Variants in SSUH2 observed in about 807,000 individuals in gnomAD.
The protein encoded by SSUH2 is protein SSUH2 homolog.
Under a neutral mutation model 55.3 loss-of-function variants are expected in SSUH2, and 47 were observed. The observed-to-expected ratio is 0.85, with a 90% CI of 0.67 to 1.08. The LOEUF (loss-of-function observed/expected upper bound fraction) is 1.08. SSUH2 is among the 50% of genes least tolerant of loss of function. The pLI is 0.00. For missense variants in SSUH2, 535 were observed against 490.7 expected, an observed-to-expected ratio of 1.09 and a Z score of -0.85; for synonymous variants, 212 against 191.5, an observed-to-expected ratio of 1.11 and a Z score of -0.89.
chr3:8,638,057 T>C (rs1014940861), intron 1 of SSUH2, among the ~76,000 whole-genome samples: 18 of 152,228 alleles, frequency 1.2e-4, no homozygotes, highest in African/African-American at 3.1e-4. Flanking sequence ...GGCCCATCCC[T>C]GACTTAGACA....
At chr3:8,670,924 A>C in intron 5 of SSUH2, 1 of 304,248 alleles carries the variant, frequency 3.3e-6, no homozygotes, top group Admixed American at 3.1e-5. Flanking sequence ...TCACTGTGTG[A>C]CTCTGTGTAC....
chr3:8,668,150 A>T (rs1704164618), intron 5 of SSUH2, among the ~76,000 whole-genome samples: 5 of 152,122 alleles, frequency 3.3e-5, no homozygotes, highest in African/African-American at 1.2e-4. Context: ...AAAAACTTGT[A>T]AAGCTCTTTC....
chr3:8,661,378 C>T (rs183100661), intron 6 of SSUH2, among the ~76,000 whole-genome samples: 1 of 152,212 alleles, frequency 6.6e-6, no homozygotes, highest in Non-Finnish European at 1.5e-5. Context: ...CTCACGTATC[C>T]TTTTCCCTCT....
chr3:8,660,493 A>G (rs1047257484), intron 6 of SSUH2, among the ~76,000 whole-genome samples: 3 of 152,240 alleles, frequency 2.0e-5, no homozygotes, highest in Non-Finnish European at 4.4e-5. Flanking sequence ...CAGTTATAAG[A>G]TAACACTGTT....
intron 3 of SSUH2, among the ~76,000 whole-genome samples, chr3:8,672,260 C>A (rs1175847549): frequency 6.6e-6 from 1 of 151,946 alleles, no homozygotes; most frequent in Non-Finnish European, 1.5e-5. Flanking sequence ...TCCTCTCCCC[C>A]TTGTAATATT....
chr3:8,649,615 C>T (rs1231718034), upstream of SSUH2, among the ~76,000 whole-genome samples: 1 of 152,130 alleles, frequency 6.6e-6, no homozygotes, highest in African/African-American at 2.4e-5. Flanking sequence ...CACCTGCTTT[C>T]ACTCCCCCTT....
chr3:8,622,405 C>A (rs1421629051), intron 11 of SSUH2, among the ~76,000 whole-genome samples: 9 of 152,142 alleles, frequency 5.9e-5, no homozygotes, highest in Admixed American at 5.2e-4. Context: ...AACTGTGTGA[C>A]TTAGGACAGG....
chr3:8,631,985 T>C (rs2125164143), intron 5 of SSUH2, 64 bp downstream of exon 5: 1 of 1,357,382 alleles, frequency 7.4e-7, no homozygotes, highest in Non-Finnish European at 1.1e-6. Flanking sequence ...CAAGTCCTGA[T>C]ATTTTCCACC....
chr3:8,626,487 C>A (rs1697557012), intron 8 of SSUH2, among the ~76,000 whole-genome samples, 166 bp from the exon 9 acceptor site: 1 of 151,998 alleles, frequency 6.6e-6, no homozygotes, highest in African/African-American at 2.4e-5. Context: ...GCCCCAATAT[C>A]TCTATGGGGA....
upstream of SSUH2, among the ~76,000 whole-genome samples, chr3:8,648,570 C>CA (rs986821079): frequency 4.6e-5 from 7 of 152,174 alleles, no homozygotes; most frequent in South Asian, 6.2e-4. Context: ...GGTGCCCCCC[C>CA]ATCCTGAAGT....
chr3:8,655,453 T>A (rs2662106), intron 7 of SSUH2, among the ~76,000 whole-genome samples: 64 of 125,394 alleles, frequency 5.1e-4, no homozygotes, highest in Admixed American at 1.5e-3. Flanking sequence ...GGGTGGCCTC[T>A]TCCCCCGGGT....
At chr3:8,664,983 T>TA (rs1443221487) in intron 5 of SSUH2, among the ~76,000 whole-genome samples, 3 of 152,170 alleles carry the variant, frequency 2.0e-5, no homozygotes, top group African/African-American at 7.2e-5. Context: ...ACCCCTCCCT[T>TA]AAAAATGCCT....
intron 2 of SSUH2, among the ~76,000 whole-genome samples, chr3:8,679,259 C>CT (rs1705761874): frequency 1.8e-5 from 2 of 113,030 alleles, no homozygotes; most frequent in Non-Finnish European, 4.0e-5. Flanking sequence ...CAATTTTCCC[C>CT]CTGGCTTTTA....
At position 8,619,569 on chromosome 3, in the gene SSUH2, C is replaced by T. The variant is rs913419388; in HGVS notation, c.*299G>A. On this transcript the variant is annotated 3_prime_UTR_variant, in exon 12 of 12. Transcript: ENST00000544814. ...AGCAAAATCAAATCACACGCATCAT[C>T]GGGGCATTAACTTGGAGACCAGAGG... The T allele has an allele frequency of 5.2e-5, 15 of 289,958 alleles. No individual in the cohort carries two copies. The highest frequency in any genetic ancestry group is 1.3e-4 in the East Asian group (2 of 14,978). 18.0% of individuals were successfully genotyped at this position (289,958 alleles called of 1,614,324 possible). A position where few individuals can be genotyped will look rare whatever the true frequency, so the allele number is the denominator to read the frequency against.
At chr3:8,628,481 C>A (rs929679327) in intron 7 of SSUH2, among the ~76,000 whole-genome samples, 1 of 152,208 alleles carries the variant, frequency 6.6e-6, no homozygotes, top group Admixed American at 6.5e-5. Flanking sequence ...AATAGCGGCC[C>A]TTCCAAGTTC....
intron 3 of SSUH2, among the ~76,000 whole-genome samples, chr3:8,673,359 C>T (rs1473064998): frequency 6.6e-6 from 1 of 151,978 alleles, no homozygotes; most frequent in African/African-American, 2.4e-5. Flanking sequence ...CCATTCCACC[C>T]CTCCCTCGGC....
At chr3:8,634,513 C>T (rs1486089334) in intron 3 of SSUH2, 22 of 1,289,664 alleles carry the variant, frequency 1.7e-5, no homozygotes, top group Admixed American at 2.3e-5. Flanking sequence ...ATTCTGCACA[C>T]TTGTATCTCC....
intron 11 of SSUH2, 123 bp from the exon 12 acceptor site, chr3:8,620,137 A>T: frequency 9.2e-7 from 1 of 1,088,404 alleles, no homozygotes; most frequent in South Asian, 1.6e-5. Context: ...GTTGGCATTC[A>T]ATATGGTTTG....
chr3:8,663,262 A>C lies in SSUH2; in HGVS notation c.-396+482T>G, dbSNP rs1335217723. Among the ~76,000 whole-genome samples, 3 of 152,226 alleles carry C rather than the reference A, an allele frequency of 2.0e-5. No individual in the cohort carries two copies. In the East Asian group the frequency reaches 5.8e-4, roughly 29 times the overall value. On this transcript the variant is annotated intron_variant, in intron 6 of 18. Coordinates refer to the SSUH2 transcript ENST00000317371. ...GCTCAGATATAAACCAACATCTCAG[A>C]TGTCTGACCGACCCCAAAGCCCAGG... is the stretch of plus-strand genomic sequence containing the variant.
Sources: allele counts gnomAD v4.1 joint callset (sites outside exome capture counted in the v4.1 genomes callset), GRCh38; gene constraint gnomAD v4.1.1; transcripts MANE v1.5; gene names NCBI Gene and HGNC (gene_info 2026-07-23, HGNC 2026-07-21).